The following ATAD1 variants were observed in gnomAD, a reference collection of about 807,000 sequenced individuals.
ATAD1 encodes the protein outer mitochondrial transmembrane helix translocase.
ATAD1 carries 18 observed loss-of-function variants against 42.7 expected under a neutral mutation model. The observed-to-expected ratio is 0.42, with a 90% CI of 0.29 to 0.63. The LOEUF (loss-of-function observed/expected upper bound fraction) is 0.63, where lower values mean the gene tolerates loss of function less well. Among genes scored for constraint, ATAD1 ranks in the 20% least tolerant of loss-of-function variants. The pLI, the probability that ATAD1 is intolerant of heterozygous loss-of-function variation, is 0.19. For missense variants in ATAD1, 294 were observed against 440.4 expected (o/e 0.67, Z 2.98); for synonymous variants, 132 against 143.1 (o/e 0.92, Z 0.55).
intron 5 of ATAD1, among the ~76,000 whole-genome samples, chr10:87,781,568 T>C (rs1479646980): frequency 3.3e-5 from 5 of 152,156 alleles, no homozygotes; most frequent in African/African-American, 1.2e-4. Context: ...AACAAAACAG[T>C]ATGTCTTAGA....
Position 87,767,704 on chromosome 10 carries a change from G to C in ATAD1, c.800C>G (p.Ala267Gly). 1 of 1,610,320 alleles carries C rather than the reference G, an allele frequency of 6.2e-7. No homozygotes were observed. Reference protein sequence around the residue: ...INQPALKQREAILKLILKNEN... With the variant: ...INQPALKQREGILKLILKNEN... ...ATTTTTCAAGATGAGTTTCAGGATT[G>C]CTTCTCTCTGTTTTAAAGCCTAAAA... The change falls in exon 8 of 10, where the codon GCA becomes GGA. Residue 267 changes from alanine (A) to glycine (G), a missense_variant. Physicochemically the swap from Ala to Gly is moderately conservative, Grantham distance 60. This residue lies in a region of ATAD1 where 142 missense variants were observed against 174.6 expected (regional missense o/e 0.81). Transcript: ENST00000680024.
At chr10:87,758,318 G>A (rs1854321042) in intron 8 of ATAD1, among the ~76,000 whole-genome samples, 1 of 152,126 alleles carries the variant, frequency 6.6e-6, no homozygotes, top group Non-Finnish European at 1.5e-5. Flanking sequence ...AAGAGAATGT[G>A]TAATTTCCAA....
At chr10:87,783,877 ATAAACCACAAAGG>A (rs1287787599) in intron 5 of ATAD1, among the ~76,000 whole-genome samples, 6 of 151,964 alleles carry the variant, frequency 3.9e-5, no homozygotes, top group African/African-American at 1.4e-4. Flanking sequence ...TACAAAACGT[ATAAACCACAAAGG>A]AAAAATACTG....
chr10:87,822,788 A>C (rs1857654876), upstream of ATAD1, among the ~76,000 whole-genome samples: 1 of 152,314 alleles, frequency 6.6e-6, no homozygotes, highest in African/African-American at 2.4e-5. Flanking sequence ...CTAAAAGAGT[A>C]TAATTGGAAT....
rs1856188624 is a variant in ATAD1, at chr10:87,792,750, T to C, written c.168A>G (p.Glu56=). The change falls in exon 3 of 10, where the codon GAA becomes GAG. Residue 56 remains glutamate, a synonymous_variant. Transcript: ENST00000680024. ...KQKVEAQKQA[E]KLMKQIGVKN... ...TCACTCCAATTTGCTTCATTAGTTT[T>C]TCTGCCTAGAATGAAAAGAACAAAC... 1 of 1,613,302 alleles carries C rather than the reference T, an allele frequency of 6.2e-7. No homozygotes were observed. The highest frequency in any genetic ancestry group is 2.2e-5 in the East Asian group (1 of 44,860).
At chr10:87,830,483 T>C (rs1857808260) in intron 1 of ATAD1, among the ~76,000 whole-genome samples, 1 of 152,244 alleles carries the variant, frequency 6.6e-6, no homozygotes, top group Non-Finnish European at 1.5e-5. Flanking sequence ...AACACTCACA[T>C]AGATTCTTAT....
intron 5 of ATAD1, among the ~76,000 whole-genome samples, chr10:87,782,736 G>A (rs1441185359): frequency 2.0e-5 from 3 of 152,094 alleles, no homozygotes; most frequent in East Asian, 1.9e-4. Context: ...TCAGCTAGGC[G>A]TTATAATCCC....
chr10:87,801,678 A>G (rs1242519120), intron 2 of ATAD1, among the ~76,000 whole-genome samples: 1 of 152,238 alleles, frequency 6.6e-6, no homozygotes, highest in Admixed American at 6.5e-5. Context: ...GTCTTTGACT[A>G]TGGCTACCCT....
intron 9 of ATAD1, among the ~76,000 whole-genome samples, chr10:87,755,738 GTC>G (rs1554871656): frequency 6.6e-6 from 1 of 151,876 alleles, no homozygotes; most frequent in Non-Finnish European, 1.5e-5. Flanking sequence ...TCGAAATCCC[GTC>G]TCTACTAAAA....
At chr10:87,812,757 C>T (rs1315272060) in intron 2 of ATAD1, among the ~76,000 whole-genome samples, 1 of 152,146 alleles carries the variant, frequency 6.6e-6, no homozygotes, top group African/African-American at 2.4e-5. Context: ...TTCTAAAATG[C>T]TGTGTATTTT....
chr10:87,779,739 C>G (rs1923263), intron 5 of ATAD1, among the ~76,000 whole-genome samples: 1 of 152,034 alleles, frequency 6.6e-6, no homozygotes, highest in Non-Finnish European at 1.5e-5. Context: ...CATGTCATTA[C>G]GAAAATGCAA....
Position 87,793,777 on chromosome 10 carries a change from C to G in ATAD1, c.163-1022G>C, listed in dbSNP as rs146108822. ...AGGGACTCTGGTAAATCATGTTTACCTAAGTTTTGGTTATTACATTTTCCT... is the reference window on the plus strand; with the variant it reads ...AGGGACTCTGGTAAATCATGTTTACGTAAGTTTTGGTTATTACATTTTCCT... On this transcript the variant is annotated intron_variant, in intron 2 of 9. Transcript: ENST00000680024. Among the ~76,000 whole-genome samples, 318 of 152,098 alleles carry G rather than the reference C, an allele frequency of 2.1e-3. 1 individual carries two copies. The highest frequency in any genetic ancestry group is 7.2e-3 in the African/African-American group (298 of 41,488).
Position 87,814,479 on chromosome 10 carries a change from T to C in ATAD1, c.121A>G (p.Ile41Val), listed in dbSNP as rs778681381. Residue 41 changes from isoleucine (I) to valine (V), a missense_variant, in exon 2 of 10, where the codon ATT becomes GTT. Transcript: ENST00000680024. ...ACTTTTTGCTTTCTGGTTGGATCAA[T>C]TGCATCTACCATCCATTTGATAGTA... ...YFTIKWMVDA[I>V]DPTRKQKVEA... The C allele has an allele frequency of 8.9e-5, 143 of 1,605,378 alleles. No homozygotes were observed. The highest frequency in any genetic ancestry group is 1.9e-4 in the Admixed American group (11 of 58,698).
intron 1 of ATAD1, among the ~76,000 whole-genome samples, chr10:87,835,579 C>T (rs982073775): frequency 4.6e-5 from 7 of 152,048 alleles, no homozygotes; most frequent in African/African-American, 7.2e-5. Context: ...ACATACGTAG[C>T]TCAGTCATGT....
Position 87,774,695 on chromosome 10 carries a change from T to C in ATAD1, c.690+1626A>G, listed in dbSNP as rs578165888. 2.0e-5 allele frequency among the ~76,000 whole-genome samples: 3 copies of C among 152,204 alleles called. No individual in the cohort carries two copies. The South Asian group carries it at 6.2e-4, about 32-fold the overall frequency. ...CCAGGCACAGTGGCTTAACCTGTAATGCCAGCCAAACTTGGGAGGCCAAAG... is the reference window on the plus strand; with the variant it reads ...CCAGGCACAGTGGCTTAACCTGTAACGCCAGCCAAACTTGGGAGGCCAAAG... On this transcript the variant is annotated intron_variant, in intron 6 of 9. Coordinates refer to ENST00000680024, the MANE Select transcript of ATAD1 (RefSeq NM_001321967.2).
chr10:87,831,439 G>A (rs1460098574), intron 1 of ATAD1, among the ~76,000 whole-genome samples: 1 of 152,208 alleles, frequency 6.6e-6, no homozygotes. Context: ...TGTGAAACTA[G>A]AATGGAATAT....
chr10:87,808,927 G>A (rs374140399), intron 2 of ATAD1, among the ~76,000 whole-genome samples: 38 of 152,120 alleles, frequency 2.5e-4, no homozygotes, highest in African/African-American at 7.7e-4. Flanking sequence ...GTGTTCCCTC[G>A]TTTCCTATAT....
At position 87,806,277 on chromosome 10, in the gene ATAD1, A is replaced by ATTT. The variant is rs558734637; in HGVS notation, c.162+8158_162+8160dup. 1.2e-4 allele frequency among the ~76,000 whole-genome samples: 17 copies of ATTT among 147,654 alleles called. No homozygotes were observed. In the East Asian group the frequency reaches 3.3e-3, roughly 29 times the overall value. On this transcript the variant is annotated intron_variant, in intron 2 of 9. Transcript: ENST00000680024. ...TGGTTTTATTCTCACTCCTCTGGTC[A>ATTT]TTTTTTTTTTTAAGTTCTTACAGTG...
Position 87,784,627 on chromosome 10 carries a change from A to T in ATAD1, c.426T>A (p.Ile142=), listed in dbSNP as rs1185777206. 6.2e-7 allele frequency: 1 copy of T among 1,613,056 alleles called. No homozygotes were observed. Among genetic ancestry groups the T allele is most frequent in the East Asian group, 2.2e-5 (1 of 44,880 alleles). The change falls in exon 5 of 10, where the codon ATT becomes ATA. Residue 142 remains isoleucine (I), a synonymous_variant. Coordinates refer to ENST00000680024, the MANE Select transcript of ATAD1 (RefSeq NM_001321967.2). ...YGPPGCGKTL[I]AKATAKEAGC... ...CTGCTTCTTTGGCTGTGGCCTTGGC[A>T]ATCAACGTTTTACCACAGCCTGGAG...
Sources: allele counts gnomAD v4.1 joint callset (sites outside exome capture counted in the v4.1 genomes callset), GRCh38; gene constraint gnomAD v4.1.1; regional missense constraint gnomAD v4.1.1; transcripts MANE v1.5; gene names NCBI Gene and HGNC (gene_info 2026-07-23, HGNC 2026-07-21).